Variants in RAB7B observed in about 807,000 individuals in gnomAD.
The protein encoded by RAB7B is ras-related protein Rab-7b.
At chr1:205,983,976 C>T (rs2102632540) in intron 5 of RAB7B, 1 of 152,366 alleles carries the variant, frequency 6.6e-6, no homozygotes, top group African/African-American at 2.4e-5. Context: ...ATGGACACTT[C>T]CTGGTGACTA....
At chr1:205,995,127 T>A in intron 1 of RAB7B, among the ~76,000 whole-genome samples, 2 of 150,380 alleles carry the variant, frequency 1.3e-5, no homozygotes, top group Non-Finnish European at 3.0e-5. Flanking sequence ...GGGCAGGGGG[T>A]GGGATAGCAT....
chr1:205,981,502 T>C (rs1660489689), intron 5 of RAB7B, among the ~76,000 whole-genome samples: 11 of 150,032 alleles, frequency 7.3e-5, no homozygotes, highest in Non-Finnish European at 1.2e-4. Flanking sequence ...CTACTGTGAT[T>C]TCTTTCACAA....
chr1:205,981,444 A>ATG (rs1660488494), intron 5 of RAB7B, among the ~76,000 whole-genome samples: 5 of 148,338 alleles, frequency 3.4e-5, no homozygotes, highest in Middle Eastern at 3.7e-3. Context: ...CTTTCAGATA[A>ATG]TTAACTGAAC....
At chr1:205,996,143 AGTGTGTGTGTGTGTGT>A (rs1182397777) in intron 1 of RAB7B, among the ~76,000 whole-genome samples, 1 of 142,796 alleles carries the variant, frequency 7.0e-6, no homozygotes, top group Non-Finnish European at 1.5e-5. Context: ...GTAAATGTAT[AGTGTGTGTGTGTGTGT>A]GTGTGTGTGT....
At chr1:205,987,507 C>CT (rs1336615860) in intron 4 of RAB7B, among the ~76,000 whole-genome samples, 1 of 152,200 alleles carries the variant, frequency 6.6e-6, no homozygotes, top group Non-Finnish European at 1.5e-5. Context: ...ATCTCATGTG[C>CT]TTTTAAAATA....
At chr1:205,979,003 G>A in intron 5 of RAB7B, 75 bp from the exon 6 acceptor site, 1 of 397,484 alleles carries the variant, frequency 2.5e-6, no homozygotes, top group Non-Finnish European at 4.4e-6. Context: ...TTTCTTAGTG[G>A]GCCTCAGAGC....
At chr1:205,979,864 G>T (rs1332921003) in intron 5 of RAB7B, among the ~76,000 whole-genome samples, 1 of 152,102 alleles carries the variant, frequency 6.6e-6, no homozygotes, top group Non-Finnish European at 1.5e-5. Flanking sequence ...CTTCTCAGGG[G>T]GCAACTTCCA....
At chr1:205,997,659 A>T (rs1030823304) in intron 1 of RAB7B, among the ~76,000 whole-genome samples, 1 of 152,198 alleles carries the variant, frequency 6.6e-6, no homozygotes, top group East Asian at 1.9e-4. Flanking sequence ...GCATTTTGTA[A>T]TGGATGCTGC....
rs1660403875 is a variant in RAB7B, at chr1:205,977,511, G to C, written c.*1340C>G. ...TGAGCATCTGAAGGACAAAACCCCA[G>C]CTCCTAAAACCTTCATGAGCATCCA... is the stretch of plus-strand genomic sequence containing the variant. On this transcript the variant is annotated 3_prime_UTR_variant, in exon 6 of 6. Transcript: ENST00000617070. The C allele has an allele frequency of 6.6e-6, 1 of 152,162 alleles. No individual in the cohort carries two copies. The highest frequency in any genetic ancestry group is 1.5e-5 in the Non-Finnish European group (1 of 68,034). The allele number at this position is 152,162 out of a possible 1,614,324, so 9.4% of individuals were successfully genotyped here. A position where few individuals can be genotyped will look rare whatever the true frequency, so the allele number is the denominator to read the frequency against.
chr1:206,002,894 G>T (rs1210682929), intron 1 of RAB7B, among the ~76,000 whole-genome samples: 1 of 152,212 alleles, frequency 6.6e-6, no homozygotes, highest in Non-Finnish European at 1.5e-5. Flanking sequence ...GGGACTCTGG[G>T]TGCCAGCAGG....
chr1:205,984,723 G>A (rs1163389564), intron 5 of RAB7B, among the ~76,000 whole-genome samples: 3 of 152,174 alleles, frequency 2.0e-5, no homozygotes, highest in Non-Finnish European at 4.4e-5. Flanking sequence ...TTACATGAAT[G>A]TCATTGCCCC....
At chr1:205,985,831 A>AT (rs1660594760) in intron 4 of RAB7B, among the ~76,000 whole-genome samples, 166 bp from the exon 5 acceptor site, 2 of 146,784 alleles carry the variant, frequency 1.4e-5, no homozygotes, top group African/African-American at 2.5e-5. Flanking sequence ...CACCATCCCC[A>AT]CCAGGCCCAC....
intron 4 of RAB7B, 129 bp downstream of exon 4, chr1:205,992,351 A>G (rs1660734774): frequency 2.5e-6 from 1 of 397,476 alleles, no homozygotes; most frequent in African/African-American, 2.1e-5. Context: ...ATCTACTACT[A>G]GACTGTGAAA....
rs1426081153 is a variant in RAB7B at position 205,978,147 on chromosome 1, AG to A, written c.*703del. On this transcript the variant is annotated 3_prime_UTR_variant, in exon 6 of 6. Coordinates refer to ENST00000617070, the MANE Select transcript of RAB7B (RefSeq NM_001164522.3). ...GGTCCTCAAAACCACACTGTGATAC[AG>A]GGGGCAAGGCACATCTCACCCCCAC... The A allele has an allele frequency of 6.6e-6, 1 of 152,206 alleles. No individual in the cohort carries two copies. Among genetic ancestry groups the A allele is most frequent in the African/African-American group, 2.4e-5 (1 of 41,440 alleles). The allele number at this position is 152,206 out of a possible 1,614,324, so 9.4% of individuals were successfully genotyped here. A position where few individuals can be genotyped will look rare whatever the true frequency, so the allele number is the denominator to read the frequency against.
intron 4 of RAB7B, among the ~76,000 whole-genome samples, chr1:205,991,234 C>G (rs1246644410): frequency 1.3e-5 from 2 of 152,192 alleles, no homozygotes; most frequent in Non-Finnish European, 2.9e-5. Context: ...TTCTAAGGAC[C>G]TATTCCCTCT....
At position 205,977,993 on chromosome 1, in the gene RAB7B, C is replaced by G. The variant is rs1384896178; in HGVS notation, c.*858G>C. 1 of 152,226 alleles carries G rather than the reference C, an allele frequency of 6.6e-6. No individual in the cohort carries two copies. The highest frequency in any genetic ancestry group is 2.4e-5 in the African/African-American group (1 of 41,434). The allele number at this position is 152,226 out of a possible 1,614,324, so 9.4% of individuals were successfully genotyped here. A position where few individuals can be genotyped will look rare whatever the true frequency, so the allele number is the denominator to read the frequency against. ...TCACCAGATGTCGGCTCCAGGAGGG[C>G]AGAGTCCCTGTGTTTTGTTTGTCAC... On this transcript the variant is annotated 3_prime_UTR_variant, in exon 6 of 6. Transcript: ENST00000617070.
At position 205,985,782 on chromosome 1, in the gene RAB7B, C is replaced by CCCCGCCAGG. The variant is rs1660589045; in HGVS notation, c.397-118_397-117insCCTGGCGGG. 3 of 68,974 alleles carry CCCCGCCAGG rather than the reference C, an allele frequency of 4.3e-5. 1 individual carries two copies. The highest frequency in any genetic ancestry group is 2.9e-4 in the African/African-American group (3 of 10,422). 4.3% of individuals were successfully genotyped at this position (68,974 alleles called of 1,614,324 possible). On this transcript the variant is annotated intron_variant, in intron 4 of 5. Coordinates refer to ENST00000617070, the MANE Select transcript of RAB7B (RefSeq NM_001164522.3). ...CCACCATCCCCACCATCCCCATCAT[C>CCCCGCCAGG]CCCACCAGGCCCACCATCCCCACCA...
chr1:205,985,259 C>G (rs1042867630), intron 5 of RAB7B, among the ~76,000 whole-genome samples: 2 of 152,196 alleles, frequency 1.3e-5, no homozygotes, highest in African/African-American at 4.8e-5. Flanking sequence ...GGCTCAGGTA[C>G]AGGACTGGAG....
At chr1:205,982,935 GTGTT>G (rs1270312000) in intron 5 of RAB7B, among the ~76,000 whole-genome samples, 37 of 152,194 alleles carry the variant, frequency 2.4e-4, no homozygotes, top group Non-Finnish European at 4.8e-4. Context: ...CTAGTTAAGT[GTGTT>G]TGTTTTTATG....
Sources: allele counts gnomAD v4.1 joint callset (sites outside exome capture counted in the v4.1 genomes callset), GRCh38; gene constraint gnomAD v4.1.1; transcripts MANE v1.5; gene names NCBI Gene and HGNC (gene_info 2026-07-23, HGNC 2026-07-21).